CDK11B: variants seen among roughly 807,000 people sequenced by gnomAD.
The protein encoded by CDK11B is cyclin-dependent kinase 11B.
CDK11B carries 37 observed loss-of-function variants against 84.0 expected under a neutral mutation model. The observed-to-expected ratio is 0.44, with a 90% confidence interval of 0.34 to 0.58. CDK11B has a LOEUF of 0.58. Among genes scored for constraint, CDK11B ranks in the 20% least tolerant of loss-of-function variants. The probability of loss-of-function intolerance (pLI) is 0.02; values close to 1 mark genes in which losing one functional copy is unlikely to be tolerated. For synonymous variants in CDK11B, 269 were observed against 309.8 expected, an observed-to-expected ratio of 0.87 and a Z score of 1.38; for missense variants, 427 against 834.0, an observed-to-expected ratio of 0.51 and a Z score of 6.01.
intron 11 of CDK11B, among the ~76,000 whole-genome samples, chr1:1,639,792 A>G (rs1334471655): frequency 1.3e-5 from 2 of 152,012 alleles, no homozygotes; most frequent in Non-Finnish European, 2.9e-5. Context: ...TCCCTTCCAA[A>G]TCGCTCCCAA....
chr1:1,652,987 T>C lies in CDK11B; in HGVS notation c.228-421A>G, dbSNP rs1414343241. ...ATCCGCCCACCTCGGTCTCCCAAAG[T>C]GCTGGGATTACAGGCGTGAGCCACT... On this transcript the variant is annotated intron_variant, in intron 3 of 19. Coordinates refer to ENST00000341832, the MANE Select transcript of CDK11B (RefSeq NM_033486.3). 1.3e-4 allele frequency among the ~76,000 whole-genome samples: 20 copies of C among 152,064 alleles called. No homozygotes were observed. In the East Asian group the frequency reaches 3.5e-3, roughly 27 times the overall value.
intron 3 of CDK11B, chr1:1,654,255 C>T (rs1203213984): frequency 1.4e-5 from 6 of 436,018 alleles, no homozygotes; most frequent in Non-Finnish European, 2.3e-5. Context: ...AACGTCGGAA[C>T]ACACAGGTCT....
chr1:1,636,567 G>A (rs1639326273), intron 17 of CDK11B, 86 bp from the exon 18 acceptor site: 4 of 1,573,964 alleles, frequency 2.5e-6, no homozygotes, highest in Non-Finnish European at 3.5e-6. Flanking sequence ...AAGCCACCAG[G>A]AGGGCTCTCA....
rs1004949290 is a variant in CDK11B, at chr1:1,637,669, G to C, written c.1464+93C>G. The stretch of plus-strand genomic sequence containing the variant: ...TCTGTGAAGGGCTCCACTAAGTGCA[G>C]GAGAGTGTAGGAAGCACCCGGCCCC... On this transcript the variant is annotated intron_variant, in intron 13 of 19. Coordinates refer to ENST00000341832, the MANE Select transcript of CDK11B (RefSeq NM_033486.3). The C allele has an allele frequency of 3.2e-5, 51 of 1,611,470 alleles. 2 individuals are homozygous for C. Among genetic ancestry groups the C allele is most frequent in the Admixed American group, 8.3e-5 (5 of 59,956 alleles).
Position 1,637,482 on chromosome 1 carries a change from ATC to A in CDK11B, c.1494_1495del (p.Lys498AsnfsTer51). 6.2e-7 allele frequency: 1 copy of A among 1,613,612 alleles called. No homozygotes were observed. The highest frequency in any genetic ancestry group is 8.5e-7 in the Non-Finnish European group (1 of 1,179,646). ...CTCCACATAGTTCATCACGATGTAG[ATC>A]TTGTCCATGTTGCTGCCCACCACAA... is the stretch of plus-strand genomic sequence containing the variant. On this transcript the variant is annotated frameshift_variant, in exon 14 of 20. Coordinates refer to ENST00000341832, the MANE Select transcript of CDK11B (RefSeq NM_033486.3). LOFTEE classifies it high-confidence loss of function.
intron 6 of CDK11B, among the ~76,000 whole-genome samples, 179 bp downstream of exon 6, chr1:1,644,947 C>T (rs1156853101): frequency 6.8e-6 from 1 of 146,332 alleles, no homozygotes; most frequent in Non-Finnish European, 1.5e-5. Context: ...GAGCCGAGAT[C>T]GCGCCACCGC....
chr1:1,654,377 C>A (rs763589590), intron 3 of CDK11B, among the ~76,000 whole-genome samples: 1 of 152,164 alleles, frequency 6.6e-6, no homozygotes, highest in Non-Finnish European at 1.5e-5. Context: ...AAGCTAGGCC[C>A]TGAAAACCCT....
intron 3 of CDK11B, among the ~76,000 whole-genome samples, chr1:1,653,352 G>A (rs193030850): frequency 4.8e-4 from 73 of 151,880 alleles, no homozygotes; most frequent in Non-Finnish European, 8.2e-4. Flanking sequence ...ATAGAATCTC[G>A]CTCTTTCCCC....
intron 4 of CDK11B, among the ~76,000 whole-genome samples, 200 bp from the exon 5 acceptor site, chr1:1,649,837 T>C (rs1270447834): frequency 6.0e-5 from 9 of 149,632 alleles, no homozygotes; most frequent in Admixed American, 2.0e-4. Context: ...TAGCTGGGCG[T>C]GGTGGCAGGC....
rs1462211439 is a variant in CDK11B at position 1,641,711 on chromosome 1, CTCCTCT to C, written c.954_959del (p.Glu322_Glu323del). 563 of 1,023,142 alleles carry C rather than the reference CTCCTCT, an allele frequency of 5.5e-4. 28 individuals are homozygous for C. The highest frequency in any genetic ancestry group is 4.9e-3 in the South Asian group (334 of 68,230). 63.4% of individuals were successfully genotyped at this position (1,023,142 alleles called of 1,614,324 possible). A position where few individuals can be genotyped will look rare whatever the true frequency, so the allele number is the denominator to read the frequency against. On this transcript the variant is annotated inframe_deletion, in exon 9 of 20. Coordinates refer to ENST00000341832, the MANE Select transcript of CDK11B (RefSeq NM_033486.3). ...CAGAGTTGCTGCCGGTCTCCTCCTC[CTCCTCT>C]TCCTCTTCCTCCTCCTCCTCCTCTG... is the stretch of plus-strand genomic sequence containing the variant.
At chr1:1,648,924 G>A (rs973060010) in intron 5 of CDK11B, among the ~76,000 whole-genome samples, 2 of 151,570 alleles carry the variant, frequency 1.3e-5, no homozygotes, top group African/African-American at 4.9e-5. Context: ...ATGAGCCACC[G>A]CGCCCGGCCG....
At chr1:1,645,855 T>C (rs1185857505) in intron 5 of CDK11B, 2 of 348,524 alleles carry the variant, frequency 5.7e-6, no homozygotes, top group Admixed American at 4.2e-5. Context: ...TAGCTTTTTT[T>C]TGAGACAGGG....
intron 2 of CDK11B, among the ~76,000 whole-genome samples, chr1:1,656,651 A>G (rs1486133528): frequency 6.6e-6 from 1 of 152,040 alleles, no homozygotes; most frequent in Non-Finnish European, 1.5e-5. Flanking sequence ...TTAGCTTGGC[A>G]TGTTGGTGGG....
chr1:1,647,534 C>A (rs1197969405), intron 5 of CDK11B, among the ~76,000 whole-genome samples: 3 of 152,240 alleles, frequency 2.0e-5, no homozygotes, highest in Admixed American at 2.0e-4. Context: ...GGCTCAAATA[C>A]CTCGAGCACA....
Position 1,636,672 on chromosome 1 carries a change from C to G in CDK11B, c.1917+10G>C. On this transcript the variant is annotated intron_variant, in intron 17 of 19. Coordinates refer to ENST00000341832, the MANE Select transcript of CDK11B (RefSeq NM_033486.3). ...ACCCCACAGCGCACCTGCAGCAGGG[C>G]CAGACCCACCTTGAACACCTTGTTG... The G allele has an allele frequency of 6.2e-7, 1 of 1,613,872 alleles. No homozygotes were observed. The highest frequency in any genetic ancestry group is 8.5e-7 in the Non-Finnish European group (1 of 1,179,782).
intron 3 of CDK11B, chr1:1,654,259 C>A (rs1283462195): frequency 7.0e-6 from 3 of 425,656 alleles, no homozygotes; most frequent in African/African-American, 4.1e-5. Flanking sequence ...TCGGAACACA[C>A]AGGTCTCAAC....
intron 16 of CDK11B, 43 bp downstream of exon 16, chr1:1,636,854 C>T (rs773077389): frequency 1.2e-6 from 2 of 1,612,412 alleles, no homozygotes; most frequent in Non-Finnish European, 1.7e-6. Context: ...CTGTGGGAGG[C>T]TGCGTGGGGG....
intron 4 of CDK11B, 53 bp from the exon 5 acceptor site, chr1:1,649,690 T>G: frequency 6.3e-7 from 1 of 1,586,666 alleles, no homozygotes; most frequent in Non-Finnish European, 8.6e-7. Flanking sequence ...AAATTTCACA[T>G]GAAGCCGGGC....
chr1:1,639,470 T>C (rs1190234136), intron 11 of CDK11B, among the ~76,000 whole-genome samples: 1 of 151,842 alleles, frequency 6.6e-6, no homozygotes, highest in Non-Finnish European at 1.5e-5. Context: ...TGTCCCCTGC[T>C]TGTACCAGGA....
Sources: gnomAD v4.1 joint callset for allele counts (sites outside exome capture counted in the v4.1 genomes callset) on GRCh38, gnomAD v4.1.1 for gene constraint, MANE v1.5 for transcripts, NCBI Gene and HGNC (gene_info 2026-07-23, HGNC 2026-07-21) for gene names.